The following PCDH20 variants were observed in gnomAD, a reference collection of about 807,000 sequenced individuals.
PCDH20 encodes protocadherin 20, also known as protocadherin-20.
PCDH20 carries 18 observed loss-of-function variants against 39.7 expected under a neutral mutation model. That is an observed-to-expected ratio of 0.45 (90% CI 0.31 to 0.67). The LOEUF is 0.67. Ranked by LOEUF, PCDH20 falls within the 30% of genes least tolerant of loss-of-function variation. The pLI is 0.05. For synonymous variants in PCDH20, 495 were observed against 455.4 expected, an observed-to-expected ratio of 1.09 and a Z score of -1.11; for missense variants, 1,161 against 1,167.4, an observed-to-expected ratio of 0.99 and a Z score of 0.08.
exon 2 of PCDH20, chr13:61,412,923 C>T (rs376208356): frequency 1.2e-6 from 2 of 1,614,182 alleles, no homozygotes; most frequent in South Asian, 2.2e-5. Flanking sequence ...GCTTGTGGGA[C>T]TCCAGAACAC....
In PCDH20 at chr13:61,415,016, C is replaced by G; in HGVS notation, c.132+11G>C. The G allele has an allele frequency of 6.8e-7, 1 of 1,462,040 alleles. No individual in the cohort carries two copies. Among genetic ancestry groups the G allele is most frequent in the South Asian group, 1.4e-5 (1 of 71,994 alleles). 90.6% of individuals were successfully genotyped at this position (1,462,040 alleles called of 1,614,324 possible). On this transcript the variant is annotated intron_variant, in intron 1 of 1. Coordinates refer to ENST00000409204, the Ensembl canonical transcript of PCDH20. ...GTCGGGGTCGCGGGGTTCCTTGACC[C>G]TAACCCTTACCGGCAGGTTCCTGTA... is the stretch of plus-strand genomic sequence containing the variant.
chr13:61,411,204 C>G (rs1274644553), exon 2 of PCDH20: 2 of 1,528,478 alleles, frequency 1.3e-6, no homozygotes, highest in East Asian at 2.3e-5. Context: ...GATCCAAAGT[C>G]AGTTAAAACA....
chr13:61,412,954 A>C, exon 2 of PCDH20: 2 of 1,614,160 alleles, frequency 1.2e-6, no homozygotes, highest in Non-Finnish European at 1.7e-6. Flanking sequence ...CTTACTGAAA[A>C]GTTTAATGAC....
Position 61,415,192 on chromosome 13 carries a change from G to A in PCDH20, c.-34C>T, listed in dbSNP as rs1045854987. ...AGGCTGCAGTCAGAGCGCTCTTGAAGGGAGGGCGGCAGAAGACACTCCCTC... is the reference window on the plus strand; with the variant it reads ...AGGCTGCAGTCAGAGCGCTCTTGAAAGGAGGGCGGCAGAAGACACTCCCTC... On this transcript the variant is annotated 5_prime_UTR_variant, in exon 1 of 2. Coordinates refer to ENST00000409204, the Ensembl canonical transcript of PCDH20. The A allele has an allele frequency of 1.4e-5, 19 of 1,362,614 alleles. No individual in the cohort carries two copies. In the African/African-American group the frequency reaches 2.1e-4, roughly 15 times the overall value. The allele number at this position is 1,362,614 out of a possible 1,614,324, so 84.4% of individuals were successfully genotyped here.
At chr13:61,410,165 A>C (rs1878215806) in exon 2 of PCDH20, 1 of 152,138 alleles carries the variant, frequency 6.6e-6, no homozygotes, top group African/African-American at 2.4e-5. Flanking sequence ...AAAGGAAGCC[A>C]GAAATGGTAG....
chr13:61,414,199 C>T (rs1032948903), intron 1 of PCDH20, among the ~76,000 whole-genome samples: 1 of 151,984 alleles, frequency 6.6e-6, no homozygotes, highest in Non-Finnish European at 1.5e-5. Flanking sequence ...CCCCCGCCTT[C>T]CCCCCTCGTT....
rs762832042 is a variant in PCDH20 at position 61,412,163 on chromosome 13, A to G, written c.1936T>C (p.Phe646Leu). 9 of 1,614,048 alleles carry G rather than the reference A, an allele frequency of 5.6e-6. 1 individual carries two copies. The highest frequency in any genetic ancestry group is 2.2e-5 in the South Asian group (2 of 91,088). ...CCTGGAAAGTTTTCAGGCACAAAAA[A>G]GCTGAAGTCCTTGTTGATAAACCGA... Residue 646 changes from phenylalanine to leucine, a missense_variant, in exon 2 of 2, where the codon TTT becomes CTT. Coordinates refer to ENST00000409204, the Ensembl canonical transcript of PCDH20.
chr13:61,409,826 T>C (rs1362928765), exon 2 of PCDH20: 3 of 152,042 alleles, frequency 2.0e-5, no homozygotes, highest in Admixed American at 2.0e-4. Flanking sequence ...AAGCCCATGT[T>C]CAAATATAAA....
chr13:61,413,301 C>T, exon 2 of PCDH20: 1 of 1,614,022 alleles, frequency 6.2e-7, no homozygotes, highest in East Asian at 2.2e-5. Flanking sequence ...GGGTGCGCTC[C>T]CCATTCTCAT....
At chr13:61,413,677 T>A in exon 2 of PCDH20, 1 of 1,614,080 alleles carries the variant, frequency 6.2e-7, no homozygotes, top group Non-Finnish European at 8.5e-7. Context: ...AGCTGAAGTG[T>A]GCAGCTCCCC....
rs778721332 is a variant in PCDH20 at position 61,412,471 on chromosome 13, G to A, written c.1628C>T (p.Thr543Ile). The change falls in exon 2 of 2, where the codon ACC becomes ATC. Residue 543 changes from threonine (T) to isoleucine (I), a missense_variant. Thr to Ile is a moderately conservative substitution (Grantham distance 89). Coordinates refer to ENST00000409204, the Ensembl canonical transcript of PCDH20. ...ATTGGGTGAGTTGTTCTCTTCGATGGTTAGTTCTATTAAGGGTTGAAGGAA... is the reference window on the plus strand; with the variant it reads ...ATTGGGTGAGTTGTTCTCTTCGATGATTAGTTCTATTAAGGGTTGAAGGAA... 49 of 1,614,056 alleles carry A rather than the reference G, an allele frequency of 3.0e-5. No homozygotes were observed. In the South Asian group the frequency reaches 4.4e-4, roughly 14 times the overall value.
chr13:61,411,899 C>T (rs1878253441), exon 2 of PCDH20: 1 of 1,614,094 alleles, frequency 6.2e-7, no homozygotes, highest in Non-Finnish European at 8.5e-7. Flanking sequence ...TCATTGATAT[C>T]TAGAAGGAGA....
chr13:61,413,990 G>C (rs1465617457), intron 1 of PCDH20, 24 bp from the exon 2 acceptor site: 2 of 1,575,974 alleles, frequency 1.3e-6, no homozygotes, highest in African/African-American at 2.7e-5. Flanking sequence ...AGGGAAGAAA[G>C]CTCATTACAC....
At chr13:61,411,624 A>G (rs1243478009) in exon 2 of PCDH20, 1 of 1,614,160 alleles carries the variant, frequency 6.2e-7, no homozygotes, top group South Asian at 1.1e-5. Context: ...AACCATGATC[A>G]CTCACTTTCA....
exon 2 of PCDH20, chr13:61,413,338 C>T: frequency 1.2e-6 from 2 of 1,614,090 alleles, no homozygotes; most frequent in South Asian, 1.1e-5. Flanking sequence ...GGTGAACATA[C>T]CATGGTAGTC....
At chr13:61,411,340 G>C in exon 2 of PCDH20, 1 of 1,613,680 alleles carries the variant, frequency 6.2e-7, no homozygotes, top group Non-Finnish European at 8.5e-7. Context: ...ATCTTCCCTG[G>C]GATGCTTTTC....
chr13:61,415,001 C>T (rs1485702388), intron 1 of PCDH20, 26 bp downstream of exon 1: 30 of 1,393,514 alleles, frequency 2.2e-5, no homozygotes, highest in Non-Finnish European at 2.7e-5. Context: ...GTCGGGGTCG[C>T]GGGGTTCCTT....
At position 61,412,553 on chromosome 13, in the gene PCDH20, G is replaced by A. The variant is rs750998488; in HGVS notation, c.1546C>T (p.His516Tyr). 6.2e-6 allele frequency: 10 copies of A among 1,613,972 alleles called. No individual in the cohort carries two copies. The African/African-American group carries it at 1.3e-4, about 22-fold the overall frequency. ...TGCACTTTAATGACCCTTTTGACAT[G>A]AAATCCCTCAGAGTTCCAAGCCACC... The change falls in exon 2 of 2, where the codon CAT (histidine) becomes TAT (tyrosine). Residue 516 changes from histidine (H) to tyrosine (Y), a missense_variant. Around this residue, in one of 3 missense-constraint regions of PCDH20, gnomAD observed 754 missense variants for 777.5 expected, o/e 0.97. Transcript: ENST00000409204.
chr13:61,412,653 T>C (rs200578449), exon 2 of PCDH20: 5 of 1,614,114 alleles, frequency 3.1e-6, no homozygotes, highest in Non-Finnish European at 3.4e-6. Flanking sequence ...CATTATTGTA[T>C]GGTTTGTAAG....
Sources: gnomAD v4.1 joint callset for allele counts (sites outside exome capture counted in the v4.1 genomes callset) on GRCh38, gnomAD v4.1.1 for gene constraint, gnomAD v4.1.1 regional missense constraint, MANE v1.5 for transcripts, NCBI Gene and HGNC (gene_info 2026-07-23, HGNC 2026-07-21) for gene names.